Variants in AKAP12 observed in about 807,000 individuals in gnomAD.
AKAP12 encodes the protein A-kinase anchoring protein 12, also known as A-kinase anchor protein 12.
Under a neutral mutation model 79.9 loss-of-function variants are expected in AKAP12, and 32 were observed. That is an observed-to-expected ratio of 0.40 (90% CI 0.30 to 0.54). The LOEUF (loss-of-function observed/expected upper bound fraction) is 0.54. AKAP12 is among the 20% of genes least tolerant of loss of function. The pLI is 0.48. For missense variants in AKAP12, 2,074 were observed against 2,177.0 expected, an observed-to-expected ratio of 0.95 and a Z score of 0.94; for synonymous variants, 808 against 857.0, an observed-to-expected ratio of 0.94 and a Z score of 1.00.
chr6:151,264,004 C>A (rs2114702486), intron 2 of AKAP12, among the ~76,000 whole-genome samples: 1 of 151,866 alleles, frequency 6.6e-6, no homozygotes, highest in African/African-American at 2.4e-5. Context: ...CTGAGCCCAC[C>A]CAGCTCAAAT....
intron 2 of AKAP12, among the ~76,000 whole-genome samples, chr6:151,281,835 A>C (rs778749685): frequency 6.6e-6 from 1 of 151,642 alleles, no homozygotes; most frequent in Non-Finnish European, 1.5e-5. Context: ...ACAGGCCTAC[A>C]CCATACCCTC....
At chr6:151,290,139 C>T (rs1260648580) in intron 2 of AKAP12, among the ~76,000 whole-genome samples, 1 of 152,156 alleles carries the variant, frequency 6.6e-6, no homozygotes, top group Non-Finnish European at 1.5e-5. Context: ...TTGTGGGAAA[C>T]ATTATTCTGG....
intron 3 of AKAP12, among the ~76,000 whole-genome samples, chr6:151,322,070 C>G (rs549893852): frequency 6.6e-6 from 1 of 151,810 alleles, no homozygotes; most frequent in African/African-American, 2.4e-5. Context: ...CCACCACGCC[C>G]GGCTAATTTT....
intron 2 of AKAP12, among the ~76,000 whole-genome samples, chr6:151,248,687 T>C (rs550169850): frequency 1.2e-4 from 19 of 152,276 alleles, no homozygotes; most frequent in Admixed American, 3.3e-4. Flanking sequence ...TTTGTTTGAC[T>C]ATATTAAAAA....
intron 3 of AKAP12, among the ~76,000 whole-genome samples, chr6:151,318,653 TG>T (rs1252848991): frequency 6.6e-6 from 1 of 152,186 alleles, no homozygotes; most frequent in African/African-American, 2.4e-5. Context: ...CTCATACACT[TG>T]GCTGGATGCA....
intron 2 of AKAP12, among the ~76,000 whole-genome samples, chr6:151,275,751 C>T (rs114981380): frequency 2.6e-5 from 4 of 152,170 alleles, no homozygotes; most frequent in Admixed American, 2.0e-4. Context: ...GGACCACCTG[C>T]GTATCATTTT....
chr6:151,310,027 G>A (rs1455495301), intron 3 of AKAP12, among the ~76,000 whole-genome samples: 1 of 151,532 alleles, frequency 6.6e-6, no homozygotes, highest in African/African-American at 2.4e-5. Flanking sequence ...ATTATCAATC[G>A]TTTTATAGTC....
rs927160834 is a variant in AKAP12, at chr6:151,337,073, A to G, written c.320-11638A>G. ...ACGTAGATAAAATTTATATTATGGT[A>G]TGTAATGTGAAGCAAATATCGGATA... On this transcript the variant is annotated intron_variant, in intron 3 of 4. Coordinates refer to ENST00000402676, the MANE Select transcript of AKAP12 (RefSeq NM_005100.4). 1.2e-3 allele frequency among the ~76,000 whole-genome samples: 188 copies of G among 152,274 alleles called. 3 individuals are homozygous for G. The highest frequency in any genetic ancestry group is 1.6e-4 in the Non-Finnish European group (11 of 68,034).
chr6:151,253,957 C>T (rs887119014), intron 2 of AKAP12, among the ~76,000 whole-genome samples: 1 of 152,118 alleles, frequency 6.6e-6, no homozygotes, highest in African/African-American at 2.4e-5. Context: ...AATCTGCCTC[C>T]CTGGGCCTCC....
At chr6:151,336,052 G>A (rs1460361219) in intron 3 of AKAP12, among the ~76,000 whole-genome samples, 1 of 152,100 alleles carries the variant, frequency 6.6e-6, no homozygotes, top group Non-Finnish European at 1.5e-5. Flanking sequence ...TTTTACTTAG[G>A]ATAATGGCCT....
chr6:151,355,492 A>C (rs1582906819), intron 4 of AKAP12, among the ~76,000 whole-genome samples: 2 of 151,648 alleles, frequency 1.3e-5, no homozygotes, highest in South Asian at 4.2e-4. Context: ...TAGTGGAGAC[A>C]GGGTTTCAAC....
At chr6:151,330,974 G>A (rs568532889) in intron 3 of AKAP12, among the ~76,000 whole-genome samples, 8 of 152,086 alleles carry the variant, frequency 5.3e-5, no homozygotes, top group African/African-American at 1.7e-4. Context: ...GGAGATTTTC[G>A]AAAGGAAAAT....
chr6:151,297,222 G>A lies in AKAP12; in HGVS notation c.163-8525G>A, dbSNP rs1034212285. Among the ~76,000 whole-genome samples the A allele has an allele frequency of 5.9e-5, 8 of 134,532 alleles. No homozygotes were observed. In the East Asian group the frequency reaches 1.6e-3, roughly 27 times the overall value. The allele number at this position is 134,532 out of a possible 152,430, so 88.3% of individuals were successfully genotyped here. On this transcript the variant is annotated intron_variant, in intron 2 of 4. Transcript: ENST00000402676. ...TGTGTATGTGTGTGTGTGTTGTGGGGGCAGGATCACTTGCCCTCGCAACCT... is the reference window on the plus strand; with the variant it reads ...TGTGTATGTGTGTGTGTGTTGTGGGAGCAGGATCACTTGCCCTCGCAACCT...
chr6:151,328,905 A>G (rs1450569956), intron 3 of AKAP12, among the ~76,000 whole-genome samples: 1 of 152,114 alleles, frequency 6.6e-6, no homozygotes, highest in Non-Finnish European at 1.5e-5. Context: ...CCTGCCACAC[A>G]CACAACCCAG....
At chr6:151,315,924 AACTC>A (rs1245019562) in intron 3 of AKAP12, among the ~76,000 whole-genome samples, 1 of 152,160 alleles carries the variant, frequency 6.6e-6, no homozygotes, top group Non-Finnish European at 1.5e-5. Flanking sequence ...ATCTCATGAG[AACTC>A]ACTCACTATC....
chr6:151,254,068 T>C (rs1797242994), intron 2 of AKAP12, among the ~76,000 whole-genome samples: 1 of 152,182 alleles, frequency 6.6e-6, no homozygotes, highest in African/African-American at 2.4e-5. Context: ...ATTGTTAACC[T>C]AAATATTTAA....
Position 151,353,109 on chromosome 6 carries a change from C to T in AKAP12, c.4718C>T (p.Thr1573Met), listed in dbSNP as rs200938218. 21 of 1,614,044 alleles carry T rather than the reference C, an allele frequency of 1.3e-5. No homozygotes were observed. Among genetic ancestry groups the T allele is most frequent in the Middle Eastern group, 1.6e-4 (1 of 6,084 alleles). The change falls in exon 4 of 5, where the codon ACG becomes ATG. Residue 1573 changes from threonine to methionine, a missense_variant. Thr to Met is a moderately conservative substitution (Grantham distance 81). Around this residue, in one of 3 missense-constraint regions of AKAP12, gnomAD observed 614 missense variants for 665.6 expected, o/e 0.92. Coordinates refer to ENST00000402676, the MANE Select transcript of AKAP12 (RefSeq NM_005100.4). ...RTEETATEMLTSELQTQAHVI... is the reference protein window; with the variant it reads ...RTEETATEMLMSELQTQAHVI... ...GAAGAAACAGCCACCGAAATGTTGA[C>T]GTCTGAGTTACAGACACAAGCTCAC... is the stretch of plus-strand genomic sequence containing the variant.
At chr6:151,255,377 T>C (rs1797272162) in intron 2 of AKAP12, among the ~76,000 whole-genome samples, 1 of 151,992 alleles carries the variant, frequency 6.6e-6, no homozygotes, top group Non-Finnish European at 1.5e-5. Context: ...TTGAGGGTGG[T>C]CTCGAACTCC....
rs938791669 is a variant in AKAP12, at chr6:151,357,643, A to G, written c.*1929A>G. 1 of 151,586 alleles carries G rather than the reference A, an allele frequency of 6.6e-6. No homozygotes were observed. Among genetic ancestry groups the G allele is most frequent in the Non-Finnish European group, 1.5e-5 (1 of 67,942 alleles). 9.4% of individuals were successfully genotyped at this position (151,586 alleles called of 1,614,324 possible). A position where few individuals can be genotyped will look rare whatever the true frequency, so the allele number is the denominator to read the frequency against. ...TTTTAGGAGTTATTCTCAAATATAT[A>G]TAATAGCTACCCATGCATCATTATT... On this transcript the variant is annotated 3_prime_UTR_variant, in exon 5 of 5. Transcript: ENST00000402676.
Sources: allele counts gnomAD v4.1 joint callset (sites outside exome capture counted in the v4.1 genomes callset), GRCh38; gene constraint gnomAD v4.1.1; regional missense constraint gnomAD v4.1.1; transcripts MANE v1.5; gene names NCBI Gene and HGNC (gene_info 2026-07-23, HGNC 2026-07-21).